BCAS3: variants seen among roughly 807,000 people sequenced by gnomAD.
BCAS3 encodes BCAS3 microtubule associated cell migration factor.
BCAS3 carries 53 observed loss-of-function variants against 116.1 expected under a neutral mutation model. The ratio of observed to expected loss-of-function variants is 0.46; its 90% CI spans 0.37 to 0.57. BCAS3 has a LOEUF of 0.57. Ranked by LOEUF, BCAS3 falls within the 20% of genes least tolerant of loss-of-function variation. The pLI is 0.00. For missense variants in BCAS3, 917 were observed against 1,165.4 expected, an observed-to-expected ratio of 0.79 and a Z score of 3.10; for synonymous variants, 391 against 408.2, an observed-to-expected ratio of 0.96 and a Z score of 0.51.
chr17:61,189,619 A>G lies in BCAS3; in HGVS notation c.2425+105055A>G, dbSNP rs1156251067. 6.6e-6 allele frequency among the ~76,000 whole-genome samples: 1 copy of G among 152,170 alleles called. No individual in the cohort carries two copies. The highest frequency in any genetic ancestry group is 1.5e-5 in the Non-Finnish European group (1 of 68,030). ...CAGGGGTAAATGGAATCGAAAGGAG[A>G]AGAATGGAGAGGAATAGAAAGTTGA... On this transcript the variant is annotated intron_variant, in intron 22 of 23. Transcript: ENST00000407086. The surrounding 1 kb of genome is among the most constrained non-coding windows in gnomAD (Gnocchi z 4.5).
At chr17:60,951,824 C>G (rs988399696) in intron 14 of BCAS3, among the ~76,000 whole-genome samples, 3 of 134,424 alleles carry the variant, frequency 2.2e-5, no homozygotes, top group African/African-American at 8.8e-5. Flanking sequence ...GGCTGGAGTG[C>G]AATGGCACAA....
At chr17:60,815,686 T>G (rs778674491) in intron 7 of BCAS3, among the ~76,000 whole-genome samples, 9 of 152,174 alleles carry the variant, frequency 5.9e-5, no homozygotes, top group Non-Finnish European at 1.2e-4. Flanking sequence ...CAATGAAGTC[T>G]GAAATAATGG....
intron 9 of BCAS3, among the ~76,000 whole-genome samples, chr17:60,878,791 A>C (rs1034843793): frequency 6.6e-5 from 10 of 152,324 alleles, no homozygotes; most frequent in Non-Finnish European, 1.3e-4. Context: ...GGTAAGATTG[A>C]TGATATTCTG....
Position 60,994,461 on chromosome 17 carries a change from C to G in BCAS3, c.1486+4226C>G, listed in dbSNP as rs1343811875. ...GTGATACAAAAATGGTTAAGAATCC[C>G]TGATCATCATTTTTTCCCTCATCTA... is the stretch of plus-strand genomic sequence containing the variant. On this transcript the variant is annotated intron_variant, in intron 15 of 23. Transcript: ENST00000407086. This position sits in a 1 kb window ranked among gnomAD's most constrained non-coding sequence, Gnocchi z 4.4. Among the ~76,000 whole-genome samples, 1 of 152,048 alleles carries G rather than the reference C, an allele frequency of 6.6e-6. No individual in the cohort carries two copies. Among genetic ancestry groups the G allele is most frequent in the African/African-American group, 2.4e-5 (1 of 41,414 alleles).
rs935448502 is a variant in BCAS3 at position 61,131,835 on chromosome 17, A to G, written c.2425+47271A>G. Among the ~76,000 whole-genome samples, 3 of 152,280 alleles carry G rather than the reference A, an allele frequency of 2.0e-5. No homozygotes were observed. Among genetic ancestry groups the G allele is most frequent in the African/African-American group, 7.2e-5 (3 of 41,478 alleles). The stretch of plus-strand genomic sequence containing the variant: ...TTTCAGAGGGAGTTGAGAGAAAACC[A>G]GTCCTTGGCATTCCCCATAGCTCCT... On this transcript the variant is annotated intron_variant, in intron 22 of 23. Transcript: ENST00000407086. This position sits in a 1 kb window ranked among gnomAD's most constrained non-coding sequence, Gnocchi z 4.4.
At position 61,083,306 on chromosome 17, in the gene BCAS3, C is replaced by G. The variant is rs2072790847; in HGVS notation, c.2328-1161C>G. On this transcript the variant is annotated intron_variant, in intron 21 of 23. Coordinates refer to ENST00000407086, the MANE Select transcript of BCAS3 (RefSeq NM_017679.5). The surrounding 1 kb of genome is among the most constrained non-coding windows in gnomAD (Gnocchi z 4.9). ...ACACTTTAGTTTTATTTTGCATTGT[C>G]ATGAATGTTCATGTGCTATGTCATA... Among the ~76,000 whole-genome samples the G allele has an allele frequency of 6.6e-6, 1 of 151,920 alleles. No individual in the cohort carries two copies.
intron 22 of BCAS3, among the ~76,000 whole-genome samples, chr17:61,312,789 A>G (rs1400859519): frequency 6.6e-6 from 1 of 152,138 alleles, no homozygotes; most frequent in Non-Finnish European, 1.5e-5. Context: ...TCTGTATCTG[A>G]TTGTCAGAGC....
rs945791200 is a variant in BCAS3, at chr17:61,258,250, C to T, written c.2426-110077C>T. On this transcript the variant is annotated intron_variant, in intron 22 of 23. Transcript: ENST00000407086. The surrounding 1 kb of genome is among the most constrained non-coding windows in gnomAD (Gnocchi z 4.7). ...TCTTATGGGACTTACCATGTTTCGC[C>T]TGATGTTGTCTTTAAGTATGTAACT... is the stretch of plus-strand genomic sequence containing the variant. Among the ~76,000 whole-genome samples, 1 of 152,170 alleles carries T rather than the reference C, an allele frequency of 6.6e-6. No homozygotes were observed. The highest frequency in any genetic ancestry group is 2.4e-5 in the African/African-American group (1 of 41,422).
At chr17:60,719,250 G>GAATC (rs1407153671) in intron 5 of BCAS3, among the ~76,000 whole-genome samples, 1 of 152,136 alleles carries the variant, frequency 6.6e-6, no homozygotes, top group African/African-American at 2.4e-5. Flanking sequence ...TGGTGATAGC[G>GAATC]AATCGTTTGT....
Position 61,106,036 on chromosome 17 carries a change from C to T in BCAS3, c.2425+21472C>T, listed in dbSNP as rs2074625490. ...TACCTATCCTTTGGTCACTTGGCAGCCGTCTTGGTTGCAGTATTACAGTGC... is the reference window on the plus strand; with the variant it reads ...TACCTATCCTTTGGTCACTTGGCAGTCGTCTTGGTTGCAGTATTACAGTGC... On this transcript the variant is annotated intron_variant, in intron 22 of 23. Transcript: ENST00000407086. This position sits in a 1 kb window ranked among gnomAD's most constrained non-coding sequence, Gnocchi z 4.2. Among the ~76,000 whole-genome samples, 1 of 152,108 alleles carries T rather than the reference C, an allele frequency of 6.6e-6. No homozygotes were observed. Among genetic ancestry groups the T allele is most frequent in the South Asian group, 2.1e-4 (1 of 4,826 alleles).
At chr17:61,045,823 T>TCTCTCTCTCTC (rs2068003623) in intron 19 of BCAS3, among the ~76,000 whole-genome samples, 1 of 34,628 alleles carries the variant, frequency 2.9e-5, no homozygotes, top group African/African-American at 2.6e-4. Flanking sequence ...TCATCTCTCT[T>TCTCTCTCTCTC]TCTCTCTCTC....
At chr17:61,345,182 G>A (rs2143279740) in intron 22 of BCAS3, among the ~76,000 whole-genome samples, 1 of 152,298 alleles carries the variant, frequency 6.6e-6, no homozygotes, top group South Asian at 2.1e-4. Flanking sequence ...CTAAAGCCGG[G>A]AAGAGCTGTT....
At chr17:60,838,897 G>A (rs2051621217) in intron 7 of BCAS3, among the ~76,000 whole-genome samples, 1 of 152,164 alleles carries the variant, frequency 6.6e-6, no homozygotes, top group South Asian at 2.1e-4. Flanking sequence ...GCACACTGCA[G>A]CCTCAAACTC....
At chr17:60,893,812 T>G (rs2057338003) in intron 10 of BCAS3, among the ~76,000 whole-genome samples, 1 of 152,030 alleles carries the variant, frequency 6.6e-6, no homozygotes, top group African/African-American at 2.4e-5. Context: ...TTTTATCATG[T>G]TGGCCAGGCT....
At chr17:61,069,972 C>A (rs780272083) in intron 19 of BCAS3, 3 of 1,582,510 alleles carry the variant, frequency 1.9e-6, no homozygotes, top group Non-Finnish European at 2.6e-6. Context: ...GTGTCCACAG[C>A]CACAAAAAGA....
At chr17:60,972,330 A>G (rs1484758279) in intron 14 of BCAS3, among the ~76,000 whole-genome samples, 3 of 152,004 alleles carry the variant, frequency 2.0e-5, no homozygotes, top group Non-Finnish European at 4.4e-5. Context: ...TGCACATGCC[A>G]GTTGCTCCAG....
Position 61,307,505 on chromosome 17 carries a change from G to A in BCAS3, c.2426-60822G>A, listed in dbSNP as rs1186575132. ...TCACTAGCTTTTAACCAACATGTAA[G>A]CACTCCCCTTTAAACTGTGTCTTCT... On this transcript the variant is annotated intron_variant, in intron 22 of 23. Coordinates refer to ENST00000407086, the MANE Select transcript of BCAS3 (RefSeq NM_017679.5). This position sits in a 1 kb window ranked among gnomAD's most constrained non-coding sequence, Gnocchi z 4.7. Among the ~76,000 whole-genome samples the A allele has an allele frequency of 6.6e-6, 1 of 152,274 alleles. No homozygotes were observed. Among genetic ancestry groups the A allele is most frequent in the Non-Finnish European group, 1.5e-5 (1 of 68,010 alleles).
At chr17:60,930,645 A>C (rs921247858) in intron 13 of BCAS3, among the ~76,000 whole-genome samples, 2 of 151,988 alleles carry the variant, frequency 1.3e-5, no homozygotes, top group African/African-American at 4.8e-5. Flanking sequence ...TTTAGTAGAG[A>C]CGGGGTTTTG....
intron 4 of BCAS3, among the ~76,000 whole-genome samples, chr17:60,703,359 C>T (rs911494367): frequency 7.3e-5 from 11 of 151,358 alleles, no homozygotes; most frequent in Non-Finnish European, 1.3e-4. Flanking sequence ...GAGACTGAGG[C>T]GGGCAGATCA....
Sources: allele counts gnomAD v4.1 joint callset (sites outside exome capture counted in the v4.1 genomes callset), GRCh38; gene constraint gnomAD v4.1.1; non-coding constraint Gnocchi (gnomAD v3.1); transcripts MANE v1.5; gene names NCBI Gene and HGNC (gene_info 2026-07-23, HGNC 2026-07-21).